Variants in CES5A observed in about 807,000 individuals in gnomAD.
CES5A encodes the protein carboxylesterase 5.
A neutral mutation model predicts 62.9 loss-of-function variants in CES5A; 67 were observed. The ratio of observed to expected loss-of-function variants is 1.07; its 90% CI spans 0.88 to 1.31. The LOEUF (loss-of-function observed/expected upper bound fraction) is 1.31, where lower values mean the gene tolerates loss of function less well. Among genes scored for constraint, CES5A ranks in the 50% most tolerant of loss-of-function variants. The pLI, the probability that CES5A is intolerant of heterozygous loss-of-function variation, is 0.00. For synonymous variants in CES5A, 296 were observed against 280.8 expected, an observed-to-expected ratio of 1.05 and a Z score of -0.54; for missense variants, 748 against 708.5, an observed-to-expected ratio of 1.06 and a Z score of -0.63.
chr16:55,935,788 C>T (rs2034367721), intron 2 of CES5A, among the ~76,000 whole-genome samples: 1 of 146,514 alleles, frequency 6.8e-6, no homozygotes, highest in African/African-American at 2.5e-5. Flanking sequence ...TTCACTAATG[C>T]TTTTTTTTTT....
intron 1 of CES5A, among the ~76,000 whole-genome samples, chr16:55,883,446 A>AT (rs1405712605): frequency 9.2e-5 from 14 of 151,480 alleles, no homozygotes; most frequent in South Asian, 8.4e-4. Flanking sequence ...TAATTTTTGT[A>AT]TTTTTTTTAA....
intron 1 of CES5A, among the ~76,000 whole-genome samples, chr16:55,890,104 T>C (rs2033860840): frequency 6.6e-6 from 1 of 152,082 alleles, no homozygotes; most frequent in Non-Finnish European, 1.5e-5. Context: ...TGTAGGAGTC[T>C]TGCAAGCACC....
intron 1 of CES5A, among the ~76,000 whole-genome samples, chr16:55,916,434 T>G (rs2034149402): frequency 1.3e-5 from 2 of 152,224 alleles, no homozygotes. Context: ...AAAGTTAGCT[T>G]GGACTAAGCC....
chr16:55,849,562 T>G (rs1031769456), intron 11 of CES5A, 62 bp downstream of exon 11: 20 of 1,574,960 alleles, frequency 1.3e-5, no homozygotes, highest in Non-Finnish European at 1.5e-5. Flanking sequence ...TCCAGGCGCT[T>G]GCATCGTGGT....
At chr16:55,929,627 A>G (rs1280186477), upstream of CES5A, among the ~76,000 whole-genome samples, 1 of 152,214 alleles carries the variant, frequency 6.6e-6, no homozygotes, top group African/African-American at 2.4e-5. Context: ...TTTTCATGCA[A>G]TATTTTTAAA....
chr16:55,870,799 C>T (rs1245568084), intron 3 of CES5A, among the ~76,000 whole-genome samples: 6 of 152,186 alleles, frequency 3.9e-5, no homozygotes. Flanking sequence ...TATTTAATAA[C>T]AAATCCCTTC....
chr16:55,926,900 T>C (rs773005717), upstream of CES5A, among the ~76,000 whole-genome samples: 20 of 152,220 alleles, frequency 1.3e-4, no homozygotes, highest in Non-Finnish European at 2.6e-4. Flanking sequence ...TAGCCATCGC[T>C]TTGATTGTGC....
In CES5A at chr16:55,873,815, G is replaced by T. The variant is rs1244643457; in HGVS notation, c.278+18C>A. On this transcript the variant is annotated intron_variant, in intron 2 of 12. Coordinates refer to ENST00000290567, the MANE Select transcript of CES5A (RefSeq NM_001143685.2). ...TCCCAGAGTCACAAACCACCCGTGGGCCCGAACCTGGTCTTACAAATTAGG... is the reference window on the plus strand; with the variant it reads ...TCCCAGAGTCACAAACCACCCGTGGTCCCGAACCTGGTCTTACAAATTAGG... 3.1e-6 allele frequency: 5 copies of T among 1,604,288 alleles called. No homozygotes were observed. The highest frequency in any genetic ancestry group is 1.3e-5 in the African/African-American group (1 of 74,928).
At chr16:55,878,077 T>C (rs1490938899), upstream of CES5A, among the ~76,000 whole-genome samples, 3 of 152,182 alleles carry the variant, frequency 2.0e-5, no homozygotes, top group African/African-American at 7.2e-5. Flanking sequence ...GGATGGCCCC[T>C]GGGAGACACA....
At chr16:55,905,225 T>A (rs1168831309) in intron 1 of CES5A, among the ~76,000 whole-genome samples, 5 of 152,172 alleles carry the variant, frequency 3.3e-5, no homozygotes, top group African/African-American at 1.2e-4. Context: ...CCAGGCTTTA[T>A]CACACAGACA....
intron 2 of CES5A, among the ~76,000 whole-genome samples, chr16:55,949,366 A>G (rs1423913176): frequency 1.3e-5 from 2 of 152,218 alleles, no homozygotes; most frequent in African/African-American, 2.4e-5. Context: ...GCTGGCCGCC[A>G]GGGGCAAAAC....
chr16:55,860,658 A>G (rs1373691727), intron 7 of CES5A, among the ~76,000 whole-genome samples: 1 of 152,180 alleles, frequency 6.6e-6, no homozygotes, highest in African/African-American at 2.4e-5. Context: ...TCAGAAAGCA[A>G]CACTCAGCCC....
At chr16:55,933,682 C>T (rs2034337075) in intron 2 of CES5A, among the ~76,000 whole-genome samples, 1 of 151,982 alleles carries the variant, frequency 6.6e-6, no homozygotes, top group Non-Finnish European at 1.5e-5. Context: ...TACATATATA[C>T]ACATATCTAG....
upstream of CES5A, among the ~76,000 whole-genome samples, chr16:55,926,842 T>C (rs1416892993): frequency 6.6e-6 from 1 of 152,252 alleles, no homozygotes; most frequent in African/African-American, 2.4e-5. Context: ...AGACCTTTGC[T>C]CTTGCCCAGT....
chr16:55,853,399 A>C (rs1369009742), intron 9 of CES5A, among the ~76,000 whole-genome samples: 2 of 152,216 alleles, frequency 1.3e-5, no homozygotes, highest in African/African-American at 2.4e-5. Context: ...TTGTTCAAAA[A>C]ATCATTAAGA....
chr16:55,887,265 G>T (rs544700363), intron 1 of CES5A, among the ~76,000 whole-genome samples: 1 of 151,908 alleles, frequency 6.6e-6, no homozygotes, highest in South Asian at 2.1e-4. Flanking sequence ...TTCTGGGGGT[G>T]GAGGGATGCT....
intron 1 of CES5A, among the ~76,000 whole-genome samples, chr16:55,953,049 C>CA (rs1381250296): frequency 6.6e-5 from 10 of 152,064 alleles, no homozygotes; most frequent in African/African-American, 2.2e-4. Context: ...GTATTAGGAG[C>CA]AAAAAACGGA....
chr16:55,855,115 A>T (rs1360972549), intron 9 of CES5A, among the ~76,000 whole-genome samples: 1 of 152,208 alleles, frequency 6.6e-6, no homozygotes, highest in African/African-American at 2.4e-5. Context: ...GGCACCACAG[A>T]GCCTTGGACA....
chr16:55,948,756 G>A (rs931584245), intron 2 of CES5A, among the ~76,000 whole-genome samples: 1 of 152,160 alleles, frequency 6.6e-6, no homozygotes, highest in Non-Finnish European at 1.5e-5. Context: ...CTAGGGGTTG[G>A]CATTCCAGGT....
Sources: allele counts gnomAD v4.1 joint callset (sites outside exome capture counted in the v4.1 genomes callset), GRCh38; gene constraint gnomAD v4.1.1; transcripts MANE v1.5; gene names NCBI Gene and HGNC (gene_info 2026-07-23, HGNC 2026-07-21).